The following DIP2C variants were observed in gnomAD, a reference collection of about 807,000 sequenced individuals.
DIP2C encodes disco-interacting protein 2 homolog C.
In DIP2C, 33 loss-of-function variants were observed where a neutral mutation model predicts 192.4. The ratio of observed to expected loss-of-function variants is 0.17; its 90% confidence interval spans 0.13 to 0.23. The LOEUF (loss-of-function observed/expected upper bound fraction) is 0.23, where lower values mean the gene tolerates loss of function less well. DIP2C is among the 10% of genes least tolerant of loss of function. The pLI is 1.00. For missense variants in DIP2C, 1,537 were observed against 2,110.1 expected (o/e 0.73, Z 5.32); for synonymous variants, 979 against 864.1 (o/e 1.13, Z -2.33).
rs369421614 is a variant in DIP2C at position 309,969 on chromosome 10, T to C, written c.3986+62A>G. The C allele has an allele frequency of 7.9e-4, 1,211 of 1,529,084 alleles. 12 individuals are homozygous for C. The Middle Eastern group carries it at 0.01, about 13-fold the overall frequency. 94.7% of individuals were successfully genotyped at this position (1,529,084 alleles called of 1,614,324 possible). On this transcript the variant is annotated intron_variant, in intron 32 of 36. Coordinates refer to ENST00000280886, the MANE Select transcript of DIP2C (RefSeq NM_014974.3). ...CTCTTCTTCTAGATGGAGACCTGCA[T>C]GCAAGGCCGCAGAACAAAACAAAAA...
intron 31 of DIP2C, among the ~76,000 whole-genome samples, chr10:318,222 C>T (rs181977820): frequency 1.3e-5 from 2 of 152,344 alleles, no homozygotes; most frequent in East Asian, 3.9e-4. Flanking sequence ...ATCGGGAGAA[C>T]TCCTCCACTT....
chr10:526,412 T>C (rs764150941), intron 1 of DIP2C, among the ~76,000 whole-genome samples: 1 of 152,068 alleles, frequency 6.6e-6, no homozygotes, highest in Non-Finnish European at 1.5e-5. Context: ...TTTAGGTTCA[T>C]ACCACTGTAG....
intron 1 of DIP2C, among the ~76,000 whole-genome samples, chr10:530,450 C>G (rs948332577): frequency 2.0e-5 from 3 of 151,826 alleles, no homozygotes; most frequent in African/African-American, 7.3e-5. Flanking sequence ...GTCGTGACAC[C>G]CCAGTTTGTA....
Position 518,390 on chromosome 10 carries a change from G to A in DIP2C, c.86-31860C>T, listed in dbSNP as rs563648444. ...CAGCTCCCCTGGCCCTGATGTGTAC[G>A]CACTTGCAGCTCTGACCTTGCTCAG... On this transcript the variant is annotated intron_variant, in intron 1 of 36. Transcript: ENST00000280886. 1.3e-3 allele frequency among the ~76,000 whole-genome samples: 192 copies of A among 152,378 alleles called. 3 individuals are homozygous for A. The highest frequency in any genetic ancestry group is 8.5e-4 in the Non-Finnish European group (58 of 68,042).
chr10:475,239 G>A lies in DIP2C; in HGVS notation c.158-2690C>T, dbSNP rs531953807. On this transcript the variant is annotated intron_variant, in intron 2 of 36. Transcript: ENST00000280886. ...TGGGCTCCATGTGTACAGCACCCAT[G>A]GCTGTCCGCCGTGTCTGCATCTTGG... 2.0e-5 allele frequency among the ~76,000 whole-genome samples: 3 copies of A among 152,320 alleles called. No homozygotes were observed. The East Asian group carries it at 5.8e-4, about 29-fold the overall frequency.
intron 1 of DIP2C, among the ~76,000 whole-genome samples, chr10:538,521 T>TAC (rs970012073): frequency 3.8e-4 from 58 of 152,298 alleles, no homozygotes; most frequent in African/African-American, 1.3e-3. Flanking sequence ...GTCCGGACCG[T>TAC]ACAGGGGCTA....
chr10:529,826 C>T (rs1847264098), intron 1 of DIP2C, among the ~76,000 whole-genome samples: 1 of 152,224 alleles, frequency 6.6e-6, no homozygotes. Context: ...GTCACCCAGG[C>T]CGGAGTGCAG....
chr10:479,270 T>C (rs567688526), intron 2 of DIP2C, among the ~76,000 whole-genome samples: 1 of 151,346 alleles, frequency 6.6e-6, no homozygotes, highest in Non-Finnish European at 1.5e-5. Context: ...CATCATACAA[T>C]GGTAAGACTG....
chr10:593,378 G>C (rs1181326394), intron 1 of DIP2C, among the ~76,000 whole-genome samples: 3 of 152,062 alleles, frequency 2.0e-5, no homozygotes, highest in African/African-American at 7.2e-5. Context: ...TCACCTTAGT[G>C]ATAATTTATC....
intron 1 of DIP2C, among the ~76,000 whole-genome samples, chr10:603,618 C>T (rs1007948146): frequency 5.3e-5 from 8 of 152,180 alleles, no homozygotes; most frequent in South Asian, 2.1e-4. Context: ...GTTCTGCCAT[C>T]GTTTGTGTCT....
At chr10:575,547 G>A (rs1036260199) in intron 1 of DIP2C, among the ~76,000 whole-genome samples, 2 of 152,170 alleles carry the variant, frequency 1.3e-5, no homozygotes, top group East Asian at 1.9e-4. Flanking sequence ...AGTCGCAAAG[G>A]GGCTTCTCCC....
At chr10:502,154 A>T (rs1845280594) in intron 1 of DIP2C, among the ~76,000 whole-genome samples, 1 of 152,118 alleles carries the variant, frequency 6.6e-6, no homozygotes, top group Admixed American at 6.5e-5. Flanking sequence ...AAACATTCAA[A>T]TTCCCACATC....
At chr10:325,847 AAGAG>A (rs1451826623) in intron 31 of DIP2C, among the ~76,000 whole-genome samples, 1 of 152,162 alleles carries the variant, frequency 6.6e-6, no homozygotes, top group Non-Finnish European at 1.5e-5. Context: ...TAATAATTAA[AAGAG>A]AAGCAAGACA....
intron 1 of DIP2C, among the ~76,000 whole-genome samples, chr10:603,654 A>G (rs1852255900): frequency 6.6e-6 from 1 of 152,216 alleles, no homozygotes; most frequent in Admixed American, 6.5e-5. Context: ...TCTCATTATA[A>G]TTTAGGGCAC....
chr10:360,645 T>A (rs1959362047), intron 22 of DIP2C, among the ~76,000 whole-genome samples: 1 of 152,024 alleles, frequency 6.6e-6, no homozygotes. Context: ...TCGGGGGCAA[T>A]ATTCCCAGGG....
At chr10:344,399 C>CGGGGCG (rs1958315903) in intron 28 of DIP2C, among the ~76,000 whole-genome samples, 1 of 118,290 alleles carries the variant, frequency 8.5e-6, no homozygotes, top group African/African-American at 3.1e-5. Context: ...GGGGGCGGGG[C>CGGGGCG]GGGGGGGGGT....
At chr10:361,799 A>G (rs934497239) in intron 22 of DIP2C, among the ~76,000 whole-genome samples, 3 of 152,166 alleles carry the variant, frequency 2.0e-5, no homozygotes, top group Admixed American at 2.0e-4. Flanking sequence ...ACCCTTTCAG[A>G]GCACTCCCTG....
At position 386,216 on chromosome 10, in the gene DIP2C, C is replaced by A. The variant is rs1296856650; in HGVS notation, c.1662+1529G>T. ...TGGGACCTGATCATTGAATCACATG[C>A]GTCAAACGTGTAGGTGGAGTGAGTG... is the stretch of plus-strand genomic sequence containing the variant. On this transcript the variant is annotated intron_variant, in intron 14 of 36. Coordinates refer to ENST00000280886, the MANE Select transcript of DIP2C (RefSeq NM_014974.3). Among the ~76,000 whole-genome samples the A allele has an allele frequency of 5.3e-5, 8 of 152,218 alleles. No homozygotes were observed. In the East Asian group the frequency reaches 1.5e-3, roughly 29 times the overall value.
chr10:689,592 C>A lies in DIP2C; in HGVS notation c.-14G>T. The A allele has an allele frequency of 1.7e-6, 2 of 1,148,366 alleles. No homozygotes were observed. The highest frequency in any genetic ancestry group is 2.1e-6 in the Non-Finnish European group (2 of 931,390). The allele number at this position is 1,148,366 out of a possible 1,614,324, so 71.1% of individuals were successfully genotyped here. A position where few individuals can be genotyped will look rare whatever the true frequency, so the allele number is the denominator to read the frequency against. Reference sequence around the variant, plus strand: ...GCGGTCCGCCATGCTCCGCGGGCGCCGCGCCCCGCACGGCCTCCTCTTTGT... The same window carrying A: ...GCGGTCCGCCATGCTCCGCGGGCGCAGCGCCCCGCACGGCCTCCTCTTTGT... On this transcript the variant is annotated 5_prime_UTR_variant, in exon 1 of 37. Transcript: ENST00000280886. This position sits in a 1 kb window ranked among gnomAD's most constrained non-coding sequence, Gnocchi z 6.1.
Sources: allele counts gnomAD v4.1 joint callset (sites outside exome capture counted in the v4.1 genomes callset), GRCh38; gene constraint gnomAD v4.1.1; non-coding constraint Gnocchi (gnomAD v3.1); transcripts MANE v1.5; gene names NCBI Gene and HGNC (gene_info 2026-07-23, HGNC 2026-07-21).